MITF: variants seen among roughly 807,000 people sequenced by gnomAD.
The protein encoded by MITF is microphthalmia-associated transcription factor.
In MITF, 17 loss-of-function variants were observed where a neutral mutation model predicts 60.5. The observed-to-expected ratio is 0.28, with a 90% CI of 0.19 to 0.42. The LOEUF (loss-of-function observed/expected upper bound fraction) is 0.42, where lower values mean the gene tolerates loss of function less well. MITF is among the 10% of genes least tolerant of loss of function. The pLI is 1.00. For missense variants in MITF, 622 were observed against 683.5 expected, an observed-to-expected ratio of 0.91 and a Z score of 1.00; for synonymous variants, 260 against 248.5, an observed-to-expected ratio of 1.05 and a Z score of -0.43.
At chr3:69,936,779 T>G in intron 2 of MITF, 1 of 1,605,480 alleles carries the variant, frequency 6.2e-7, no homozygotes, top group African/African-American at 1.3e-5. Flanking sequence ...TGACTCATAT[T>G]CAGTCTTTGA....
At chr3:69,797,372 G>A (rs1213551563) in intron 1 of MITF, among the ~76,000 whole-genome samples, 5 of 151,950 alleles carry the variant, frequency 3.3e-5, no homozygotes, top group African/African-American at 1.2e-4. Context: ...AGCATCTACT[G>A]TTATACTAAA....
At chr3:69,856,322 A>G (rs757614199) in intron 1 of MITF, among the ~76,000 whole-genome samples, 27 of 152,304 alleles carry the variant, frequency 1.8e-4, no homozygotes, top group Middle Eastern at 6.8e-3. Flanking sequence ...TCATACATGG[A>G]AGCCACGAAT....
intron 1 of MITF, among the ~76,000 whole-genome samples, chr3:69,796,599 C>T (rs1470713423): frequency 6.9e-6 from 1 of 145,726 alleles, no homozygotes; most frequent in Non-Finnish European, 1.5e-5. Context: ...CTCCGCTTCC[C>T]GGGTTCACGC....
intron 1 of MITF, chr3:69,763,550 A>G (rs759840417): frequency 1.7e-6 from 2 of 1,142,954 alleles, no homozygotes; most frequent in East Asian, 5.0e-5. Context: ...TTATCACTCT[A>G]TCTCTAATTT....
chr3:69,964,770 A>G, intron 9 of MITF, 77 bp from the exon 10 acceptor site: 1 of 1,327,564 alleles, frequency 7.5e-7, no homozygotes, highest in South Asian at 1.2e-5. Context: ...TTATAGTATC[A>G]TATAGAGTGG....
intron 1 of MITF, among the ~76,000 whole-genome samples, chr3:69,792,729 C>A (rs17006441): frequency 0.34 from 52,016 of 151,880 alleles, 9,662 homozygotes; most frequent in Non-Finnish European, 0.41. Context: ...ACATTTAGCT[C>A]AAAATCGCTA....
intron 3 of MITF, chr3:69,938,669 C>G: frequency 7.6e-7 from 1 of 1,324,028 alleles, no homozygotes; most frequent in Non-Finnish European, 9.6e-7. Flanking sequence ...AAACTACCTT[C>G]AAGCTAATTG....
At chr3:69,932,512 A>G (rs1243460881) in intron 2 of MITF, among the ~76,000 whole-genome samples, 1 of 152,210 alleles carries the variant, frequency 6.6e-6, no homozygotes, top group Non-Finnish European at 1.5e-5. Flanking sequence ...TTTGTCAACC[A>G]TAGCCATTTC....
At chr3:69,889,775 C>T (rs888286852) in intron 2 of MITF, among the ~76,000 whole-genome samples, 1 of 151,944 alleles carries the variant, frequency 6.6e-6, no homozygotes, top group Non-Finnish European at 1.5e-5. Flanking sequence ...TTGTTTCAAA[C>T]GTATTCAAAA....
chr3:69,787,191 A>C (rs1180813726), intron 1 of MITF, among the ~76,000 whole-genome samples: 1 of 152,216 alleles, frequency 6.6e-6, no homozygotes, highest in Non-Finnish European at 1.5e-5. Flanking sequence ...CATGTGATGA[A>C]GGAATGGGTT....
intron 1 of MITF, among the ~76,000 whole-genome samples, chr3:69,780,466 A>G (rs1311641352): frequency 6.6e-6 from 1 of 152,184 alleles, no homozygotes; most frequent in Admixed American, 6.5e-5. Flanking sequence ...TATTTCAGTT[A>G]TCTATTACTG....
chr3:69,788,824 G>A (rs1398683571), intron 1 of MITF, among the ~76,000 whole-genome samples: 1 of 152,092 alleles, frequency 6.6e-6, no homozygotes, highest in Admixed American at 6.6e-5. Context: ...CTTTGACAAG[G>A]GTGCCAAGAT....
At chr3:69,962,051 G>A (rs529696028) in intron 9 of MITF, among the ~76,000 whole-genome samples, 1 of 152,220 alleles carries the variant, frequency 6.6e-6, no homozygotes, top group African/African-American at 2.4e-5. Context: ...AGAAATCTGA[G>A]TAATGCTTTA....
At chr3:69,762,232 G>C (rs996843775) in intron 1 of MITF, among the ~76,000 whole-genome samples, 7 of 152,126 alleles carry the variant, frequency 4.6e-5, no homozygotes, top group African/African-American at 1.7e-4. Flanking sequence ...CCTAGTTAAT[G>C]GCTTTAATGG....
intron 1 of MITF, among the ~76,000 whole-genome samples, chr3:69,748,851 T>C (rs1427419540): frequency 6.6e-6 from 1 of 152,164 alleles, no homozygotes; most frequent in African/African-American, 2.4e-5. Flanking sequence ...TAGGTTTCCT[T>C]CTGGGAAGGT....
chr3:69,759,872 G>A (rs1270767779), intron 1 of MITF, among the ~76,000 whole-genome samples: 4 of 152,256 alleles, frequency 2.6e-5, no homozygotes, highest in African/African-American at 9.6e-5. Flanking sequence ...CCACCTCCTG[G>A]GTTCGTGCCA....
intron 1 of MITF, among the ~76,000 whole-genome samples, chr3:69,796,494 C>CTTATTTTTTTTT (rs2062830031): frequency 1.2e-5 from 1 of 80,328 alleles, no homozygotes; most frequent in Non-Finnish European, 2.6e-5. Context: ...CACCGTCTTT[C>CTTATTTTTTTTT]TTTTTTTTTT....
chr3:69,837,399 G>C (rs2063556713), intron 1 of MITF, among the ~76,000 whole-genome samples: 1 of 152,138 alleles, frequency 6.6e-6, no homozygotes, highest in Non-Finnish European at 1.5e-5. Flanking sequence ...AGTTGTGTTT[G>C]CTTTAATTTT....
At chr3:69,755,706 A>G (rs998932118) in intron 1 of MITF, among the ~76,000 whole-genome samples, 16 of 152,004 alleles carry the variant, frequency 1.1e-4, no homozygotes, top group African/African-American at 3.6e-4. Flanking sequence ...TATATTACAC[A>G]TGTATGTGGA....
Sources: allele counts gnomAD v4.1 joint callset (sites outside exome capture counted in the v4.1 genomes callset), GRCh38; gene constraint gnomAD v4.1.1; transcripts MANE v1.5; gene names NCBI Gene and HGNC (gene_info 2026-07-23, HGNC 2026-07-21).